RNF157: variants seen among roughly 807,000 people sequenced by gnomAD.
The protein encoded by RNF157 is E3 ubiquitin ligase RNF157.
In RNF157, 55 loss-of-function variants were observed where a neutral mutation model predicts 88.3. The ratio of observed to expected loss-of-function variants is 0.62; its 90% CI spans 0.50 to 0.78. The LOEUF is 0.78. RNF157 is among the 30% of genes least tolerant of loss of function. The pLI is 0.00. For missense variants in RNF157, 788 were observed against 860.8 expected (o/e 0.92, Z 1.06); for synonymous variants, 334 against 341.2 (o/e 0.98, Z 0.23).
At chr17:76,155,411 A>G (rs2068747634) in intron 15 of RNF157, 94 bp from the exon 16 acceptor site, 1 of 1,468,088 alleles carries the variant, frequency 6.8e-7, no homozygotes, top group Non-Finnish European at 9.5e-7. Flanking sequence ...GTCAAATAGG[A>G]GGGTCAGACC....
Position 76,173,758 on chromosome 17 carries a change from G to T in RNF157, c.240C>A (p.Pro80=). Residue 80 remains proline, a synonymous_variant, in exon 3 of 19, where the codon CCC becomes CCA. Transcript: ENST00000269391. ...TGACCAGGCTTCTCAGAGTCTTCAC[G>T]GGTTCTTGGGGAGGTGGGGCGGCGT... ...FPYAAPPPQE[P]VKTLRSLVNI... is the part of the protein sequence containing the mutation. The T allele has an allele frequency of 6.2e-7, 1 of 1,610,880 alleles. No individual in the cohort carries two copies. Among genetic ancestry groups the T allele is most frequent in the Non-Finnish European group, 8.5e-7 (1 of 1,178,236 alleles).
chr17:76,165,119 G>A (rs760255118), intron 7 of RNF157, among the ~76,000 whole-genome samples: 1 of 152,076 alleles, frequency 6.6e-6, no homozygotes, highest in African/African-American at 2.4e-5. Flanking sequence ...TGTATATGAG[G>A]GTTCTGTACG....
At chr17:76,233,836 T>G (rs1460576749) in intron 1 of RNF157, among the ~76,000 whole-genome samples, 1 of 152,182 alleles carries the variant, frequency 6.6e-6, no homozygotes, top group Non-Finnish European at 1.5e-5. Context: ...CCCAGCCCCA[T>G]TTTGAAAATA....
chr17:76,162,218 A>G, intron 9 of RNF157: 1 of 591,546 alleles, frequency 1.7e-6, no homozygotes, highest in Non-Finnish European at 3.0e-6. Flanking sequence ...GAGACTAACC[A>G]CTCGAGCTCC....
intron 17 of RNF157, chr17:76,152,712 C>T (rs2068699412): frequency 9.0e-6 from 4 of 444,986 alleles, no homozygotes; most frequent in Admixed American, 7.0e-5. Context: ...CAAGTCAGAT[C>T]ACTGAGGAGG....
At chr17:76,203,386 A>G (rs574164111) in intron 2 of RNF157, among the ~76,000 whole-genome samples, 2 of 152,332 alleles carry the variant, frequency 1.3e-5, no homozygotes, top group South Asian at 4.1e-4. Context: ...CCAACATGAC[A>G]AAGTCAGTCA....
chr17:76,172,782 A>C (rs1471380570), intron 3 of RNF157, among the ~76,000 whole-genome samples: 2 of 151,938 alleles, frequency 1.3e-5, no homozygotes, highest in Non-Finnish European at 1.5e-5. Flanking sequence ...TGCCCTAACC[A>C]AATTTTTTCA....
intron 1 of RNF157, among the ~76,000 whole-genome samples, chr17:76,214,646 C>A (rs2069858208): frequency 6.6e-6 from 1 of 152,092 alleles, no homozygotes; most frequent in African/African-American, 2.4e-5. Flanking sequence ...ACACACATAC[C>A]CTCTCCACCT....
intron 9 of RNF157, 130 bp downstream of exon 9, chr17:76,162,422 G>T: frequency 1.4e-6 from 1 of 706,256 alleles, no homozygotes; most frequent in Non-Finnish European, 2.5e-6. Flanking sequence ...CTGAAATGAG[G>T]AACAAGAAAA....
intron 1 of RNF157, among the ~76,000 whole-genome samples, chr17:76,223,352 T>C (rs2145054640): frequency 6.6e-6 from 1 of 151,740 alleles, no homozygotes; most frequent in East Asian, 1.9e-4. Flanking sequence ...CAAACCTGGC[T>C]AATTTTTGTA....
intron 7 of RNF157, among the ~76,000 whole-genome samples, 158 bp downstream of exon 7, chr17:76,165,344 G>A (rs1387788704): frequency 6.6e-6 from 1 of 152,102 alleles, no homozygotes; most frequent in Non-Finnish European, 1.5e-5. Context: ...CTGGAGTGCG[G>A]TGGTGCCATC....
At chr17:76,203,791 G>C (rs1449692663) in intron 2 of RNF157, among the ~76,000 whole-genome samples, 4 of 135,912 alleles carry the variant, frequency 2.9e-5, no homozygotes, top group African/African-American at 1.2e-4. Flanking sequence ...TTTTTGGGAC[G>C]GAGTCTCGCT....
Position 76,156,305 on chromosome 17 carries a change from G to A in RNF157, c.1430C>T (p.Pro477Leu), listed in dbSNP as rs2144818470. ...QHLGEECGVT[P>L]ESENLTLSSS... The stretch of plus-strand genomic sequence containing the variant: ...CGACAAGGTGAGATTCTCACTTTCT[G>A]GAGTCACACCACATTCCTGGGGGTT... Residue 477 changes from proline to leucine, a missense_variant, in exon 14 of 19, where the codon CCA becomes CTA. By Grantham distance (98) the Pro-to-Leu change is moderately conservative. Transcript: ENST00000269391. The A allele has an allele frequency of 6.2e-7, 1 of 1,614,034 alleles. No individual in the cohort carries two copies. Among genetic ancestry groups the A allele is most frequent in the Non-Finnish European group, 8.5e-7 (1 of 1,179,980 alleles).
intron 2 of RNF157, among the ~76,000 whole-genome samples, chr17:76,211,258 T>TG (rs2069794467): frequency 6.6e-6 from 1 of 152,258 alleles, no homozygotes; most frequent in African/African-American, 2.4e-5. Context: ...TTGAATGCTC[T>TG]TAGGCCTGTG....
At chr17:76,222,892 G>A (rs1598441285) in intron 1 of RNF157, among the ~76,000 whole-genome samples, 4 of 151,080 alleles carry the variant, frequency 2.6e-5, no homozygotes, top group Admixed American at 2.0e-4. Flanking sequence ...AATGTTTAAG[G>A]TTCTTTTTTT....
chr17:76,179,183 T>C (rs971527811), intron 2 of RNF157, among the ~76,000 whole-genome samples: 1 of 151,984 alleles, frequency 6.6e-6, no homozygotes, highest in African/African-American at 2.4e-5. Flanking sequence ...CGCTTGAGCT[T>C]AGGAGTTTTG....
intron 13 of RNF157, among the ~76,000 whole-genome samples, chr17:76,156,715 T>G (rs1024068791): frequency 6.6e-6 from 1 of 152,136 alleles, no homozygotes; most frequent in African/African-American, 2.4e-5. Flanking sequence ...GCCTGCAGGG[T>G]ATCTCCACGT....
Position 76,205,535 on chromosome 17 carries a change from G to A in RNF157, c.207+6829C>T, listed in dbSNP as rs561817953. ...AGGTCAAGATATTGAGACCATCCTG[G>A]CCAAGATGGTGAAACCCCGTCTCTA... On this transcript the variant is annotated intron_variant, in intron 2 of 18. Transcript: ENST00000269391. Among the ~76,000 whole-genome samples the A allele has an allele frequency of 3.7e-4, 56 of 152,080 alleles. 1 individual carries two copies. The highest frequency in any genetic ancestry group is 2.6e-4 in the Non-Finnish European group (18 of 67,982).
chr17:76,216,305 C>A (rs1049643957), intron 1 of RNF157, among the ~76,000 whole-genome samples: 2 of 151,992 alleles, frequency 1.3e-5, no homozygotes, highest in African/African-American at 2.4e-5. Flanking sequence ...TTGAACCTAG[C>A]GAGAGAGGAC....
Sources: allele counts gnomAD v4.1 joint callset (sites outside exome capture counted in the v4.1 genomes callset), GRCh38; gene constraint gnomAD v4.1.1; transcripts MANE v1.5; gene names NCBI Gene and HGNC (gene_info 2026-07-23, HGNC 2026-07-21).